CAST: variants seen among roughly 807,000 people sequenced by gnomAD.
CAST encodes MIR583 host.
Under a neutral mutation model 119.6 loss-of-function variants are expected in CAST, and 76 were observed. The ratio of observed to expected loss-of-function variants is 0.64; its 90% CI spans 0.53 to 0.77. The LOEUF (loss-of-function observed/expected upper bound fraction) is 0.77, where lower values mean the gene tolerates loss of function less well. CAST is among the 30% of genes least tolerant of loss of function. CAST has a pLI of 0.00. For missense variants in CAST, 953 were observed against 946.5 expected (o/e 1.01, Z -0.09); for synonymous variants, 319 against 331.6 (o/e 0.96, Z 0.41).
chr5:96,605,230 C>T (rs1195839368), intron 1 of CAST, among the ~76,000 whole-genome samples: 1 of 152,182 alleles, frequency 6.6e-6, no homozygotes, highest in African/African-American at 2.4e-5. Context: ...AAAGCCTAAG[C>T]CCCTTCCCCC....
chr5:96,286,755 G>A, the CAST span, among the ~76,000 whole-genome samples: 11,324 of 151,840 alleles, frequency 0.075, 633 homozygotes, highest in East Asian at 0.21. Context: ...TCAGCATGAG[G>A]GTATTTTTTA....
At chr5:96,521,372 G>T (rs1434121347), upstream of CAST, among the ~76,000 whole-genome samples, 1 of 152,178 alleles carries the variant, frequency 6.6e-6, no homozygotes, top group Non-Finnish European at 1.5e-5. Flanking sequence ...CAGGTCCCCA[G>T]TCCTTCTCCC....
At chr5:96,673,067 T>A (rs6556938) in intron 1 of CAST, among the ~76,000 whole-genome samples, 63,947 of 152,058 alleles carry the variant, frequency 0.42, 16,880 homozygotes, top group African/African-American at 0.74. Flanking sequence ...AAAGTTTCTC[T>A]TTTGTGAAAT....
At chr5:96,534,731 GA>G (rs1745755825) in intron 1 of CAST, among the ~76,000 whole-genome samples, 1 of 17,198 alleles carries the variant, frequency 5.8e-5, no homozygotes, top group African/African-American at 1.9e-4. Flanking sequence ...GAGAGAGAGA[GA>G]GAGAGAGAGA....
the CAST span, among the ~76,000 whole-genome samples, chr5:96,281,093 G>T: frequency 6.6e-6 from 1 of 152,198 alleles, no homozygotes; most frequent in Non-Finnish European, 1.5e-5. Context: ...AAGATACATT[G>T]ATTCTGACTC....
chr5:96,013,410 T>C, the CAST span, among the ~76,000 whole-genome samples: 1 of 152,108 alleles, frequency 6.6e-6, no homozygotes, highest in Non-Finnish European at 1.5e-5. Context: ...CATATCAGTA[T>C]ATGAAAAGCT....
chr5:96,453,688 T>C, the CAST span, among the ~76,000 whole-genome samples: 483 of 152,334 alleles, frequency 3.2e-3, 6 homozygotes, highest in East Asian at 0.017. Context: ...TTCCAAAGCA[T>C]GCATGGAATA....
chr5:96,598,257 C>T (rs899335973), intron 1 of CAST, among the ~76,000 whole-genome samples: 3 of 152,200 alleles, frequency 2.0e-5, no homozygotes, highest in African/African-American at 2.4e-5. Flanking sequence ...TCCTTTGGTG[C>T]CCAGTGCATG....
the CAST span, among the ~76,000 whole-genome samples, chr5:96,450,074 G>A: frequency 6.6e-6 from 1 of 152,102 alleles, no homozygotes; most frequent in Non-Finnish European, 1.5e-5. Flanking sequence ...TCTCCCCAAA[G>A]GAAAAGAAAT....
At chr5:96,163,916 A>G in the CAST span, among the ~76,000 whole-genome samples, 1 of 152,222 alleles carries the variant, frequency 6.6e-6, no homozygotes, top group South Asian at 2.1e-4. Flanking sequence ...TCTGCTGCTT[A>G]TAAGGTATTT....
At chr5:96,040,011 A>C in the CAST span, among the ~76,000 whole-genome samples, 1 of 152,178 alleles carries the variant, frequency 6.6e-6, no homozygotes, top group African/African-American at 2.4e-5. Flanking sequence ...TGAGCATGGA[A>C]TGTTTTTACA....
the CAST span, among the ~76,000 whole-genome samples, chr5:96,473,778 T>G: frequency 6.6e-6 from 1 of 152,178 alleles, no homozygotes; most frequent in Non-Finnish European, 1.5e-5. Flanking sequence ...GGCGCATGAC[T>G]GGTCTGTACA....
the CAST span, among the ~76,000 whole-genome samples, chr5:96,434,607 GTTTTTTT>G: frequency 2.0e-5 from 3 of 147,308 alleles, no homozygotes; most frequent in Admixed American, 1.3e-4. Context: ...TGGGAAGTTT[GTTTTTTT>G]TTTTGTTGTT....
intron 1 of CAST, among the ~76,000 whole-genome samples, chr5:96,575,841 C>G (rs978385277): frequency 3.3e-5 from 5 of 152,032 alleles, no homozygotes; most frequent in African/African-American, 1.2e-4. Flanking sequence ...TGGGGTCACA[C>G]TATGTTGCCC....
At chr5:96,271,332 A>G in the CAST span, among the ~76,000 whole-genome samples, 1 of 152,190 alleles carries the variant, frequency 6.6e-6, no homozygotes, top group Non-Finnish European at 1.5e-5. Flanking sequence ...TAGGCATCAC[A>G]CTACCTGACT....
At chr5:96,176,402 C>G in the CAST span, among the ~76,000 whole-genome samples, 1 of 152,180 alleles carries the variant, frequency 6.6e-6, no homozygotes, top group Non-Finnish European at 1.5e-5. Flanking sequence ...GCCTTATGTG[C>G]TATGCACTGT....
At chr5:96,734,590 C>G (rs1233562579) in intron 9 of CAST, among the ~76,000 whole-genome samples, 1 of 152,162 alleles carries the variant, frequency 6.6e-6, no homozygotes, top group African/African-American at 2.4e-5. Context: ...CCTGGTGCTT[C>G]TGAGTCTGAT....
chr5:96,718,614 G>A (rs1417385266), intron 3 of CAST, among the ~76,000 whole-genome samples: 2 of 152,108 alleles, frequency 1.3e-5, no homozygotes, highest in African/African-American at 2.4e-5. Flanking sequence ...CAAGTTAGAG[G>A]TATAGGGAGG....
rs79369265 is a variant in CAST, at chr5:96,663,070, C to G, written c.75+573C>G. 1.0e-2 allele frequency: 6,989 copies of G among 701,440 alleles called. 341 individuals carry two copies. The African/African-American group carries it at 0.11, about 11-fold the overall frequency. The allele number at this position is 701,440 out of a possible 1,614,324, so 43.5% of individuals were successfully genotyped here. ...CAAGCGGAGTGTGAGCCCGGCGCCTCCAACGCAACACCCCGCGCCCTCGCC... is the reference window on the plus strand; with the variant it reads ...CAAGCGGAGTGTGAGCCCGGCGCCTGCAACGCAACACCCCGCGCCCTCGCC... On this transcript the variant is annotated intron_variant, in intron 1 of 31. Transcript: ENST00000675179.
Sources: gnomAD v4.1 joint callset for allele counts (sites outside exome capture counted in the v4.1 genomes callset) on GRCh38, gnomAD v4.1.1 for gene constraint, MANE v1.5 for transcripts, NCBI Gene and HGNC (gene_info 2026-07-23, HGNC 2026-07-21) for gene names.